CDHR1: variants seen among roughly 807,000 people sequenced by gnomAD.
CDHR1 encodes cadherin related family member 1.
In CDHR1, 61 loss-of-function variants were observed where a neutral mutation model predicts 72.1. The ratio of observed to expected loss-of-function variants is 0.85; its 90% CI spans 0.69 to 1.05. The LOEUF (loss-of-function observed/expected upper bound fraction) is 1.05. Among genes scored for constraint, CDHR1 ranks in the 50% least tolerant of loss-of-function variants. The pLI is 0.00. For synonymous variants in CDHR1, 470 were observed against 448.1 expected, an observed-to-expected ratio of 1.05 and a Z score of -0.62; for missense variants, 1,186 against 1,115.7, an observed-to-expected ratio of 1.06 and a Z score of -0.90.
intron 2 of CDHR1, 103 bp downstream of exon 2, chr10:84,195,692 C>CG: frequency 2.1e-6 from 2 of 934,030 alleles, no homozygotes; most frequent in Non-Finnish European, 1.7e-6. Flanking sequence ...TGCGCGCGCC[C>CG]GGGGGCTCCT....
At chr10:84,205,642 T>G in intron 9 of CDHR1, 185 bp from the exon 10 acceptor site, 1 of 653,286 alleles carries the variant, frequency 1.5e-6, no homozygotes, top group Non-Finnish European at 2.8e-6. Context: ...AGATCTGCAC[T>G]AACTGTGTAG....
Position 84,216,518 on chromosome 10 carries a change from C to A in CDHR1, c.*1897C>A. ...GTAAATGGAAAATAAAGTCTGTTAC[C>A]CAAAGGCCATGCTGATCCCCTGCTC... On this transcript the variant is annotated 3_prime_UTR_variant, in exon 17 of 17. Coordinates refer to ENST00000623527, the MANE Select transcript of CDHR1 (RefSeq NM_033100.4). The A allele has an allele frequency of 1.0e-6, 1 of 985,464 alleles. No homozygotes were observed. Among genetic ancestry groups the A allele is most frequent in the Non-Finnish European group, 1.2e-6 (1 of 829,962 alleles). The allele number at this position is 985,464 out of a possible 1,614,324, so 61.0% of individuals were successfully genotyped here.
At position 84,208,826 on chromosome 10, in the gene CDHR1, T is replaced by C. The variant is rs1295924029; in HGVS notation, c.1265T>C (p.Ile422Thr). 12 of 1,614,060 alleles carry C rather than the reference T, an allele frequency of 7.4e-6. No individual in the cohort carries two copies. In the East Asian group the frequency reaches 2.2e-4, roughly 30 times the overall value. Residue 422 changes from isoleucine to threonine, a missense_variant, in exon 12 of 17, where the codon ATT becomes ACT. By Grantham distance (89) the Ile-to-Thr change is moderately conservative (BLOSUM62 -1). Coordinates refer to ENST00000623527, the MANE Select transcript of CDHR1 (RefSeq NM_033100.4). ...TVLNEAQVTI[I>T]VENSAAIDFE... Reference sequence around the variant, plus strand: ...CTGAATGAAGCCCAAGTCACAATCATTGTGGAGAACTCAGCTGCCATTGAC... The same window carrying C: ...CTGAATGAAGCCCAAGTCACAATCACTGTGGAGAACTCAGCTGCCATTGAC...
chr10:84,218,565 G>C lies in CDHR1; in HGVS notation c.*3944G>C, dbSNP rs771470926. 4.2e-5 allele frequency: 41 copies of C among 985,344 alleles called. No homozygotes were observed. Among genetic ancestry groups the C allele is most frequent in the Non-Finnish European group, 4.8e-5 (40 of 829,962 alleles). The allele number at this position is 985,344 out of a possible 1,614,324, so 61.0% of individuals were successfully genotyped here. A position where few individuals can be genotyped will look rare whatever the true frequency, so the allele number is the denominator to read the frequency against. ...TCCTCTCTTTAATTGCTAATCGCCT[G>C]GGCCTAGGGAGTCTTCATTTTAAAA... On this transcript the variant is annotated 3_prime_UTR_variant, in exon 17 of 17. Transcript: ENST00000623527.
intron 4 of CDHR1, 53 bp downstream of exon 4, chr10:84,197,889 A>G: frequency 6.5e-7 from 1 of 1,538,900 alleles, no homozygotes; most frequent in Non-Finnish European, 9.0e-7. Flanking sequence ...TGGGCCTGAG[A>G]AGGGTGAGGC....
intron 3 of CDHR1, among the ~76,000 whole-genome samples, chr10:84,197,457 T>A (rs1842048642): frequency 6.6e-6 from 1 of 152,072 alleles, no homozygotes. Context: ...GGAAAAGTCT[T>A]TATGGGACCT....
chr10:84,214,663 C>G lies in CDHR1; in HGVS notation c.*42C>G. On this transcript the variant is annotated 3_prime_UTR_variant, in exon 17 of 17. Coordinates refer to ENST00000623527, the MANE Select transcript of CDHR1 (RefSeq NM_033100.4). Reference sequence around the variant, plus strand: ...CCCCATCTTTCCTCCGCCCCTGACCCCCACCACCCTGCTGCTCGGACTATG... The same window carrying G: ...CCCCATCTTTCCTCCGCCCCTGACCGCCACCACCCTGCTGCTCGGACTATG... The G allele has an allele frequency of 6.3e-7, 1 of 1,599,036 alleles. No homozygotes were observed. The highest frequency in any genetic ancestry group is 2.2e-5 in the East Asian group (1 of 44,852).
chr10:84,213,247 G>C lies in CDHR1; in HGVS notation c.1939G>C (p.Gly647Arg), dbSNP rs766984019. ...GGATGCCCTGCACAACATCACACCT[G>C]GAAGGGACTGCCTATGGTCCCTAGA... ...SLDALHNITPGRDCLWSLEVQ... is the reference protein window; with the variant it reads ...SLDALHNITPRRDCLWSLEVQ... Residue 647 changes from glycine (G) to arginine (R), a missense_variant, in exon 16 of 17, where the codon GGA (glycine) becomes CGA (arginine). Transcript: ENST00000623527. The C allele has an allele frequency of 3.1e-6, 5 of 1,614,124 alleles. No homozygotes were observed. The highest frequency in any genetic ancestry group is 4.2e-6 in the Non-Finnish European group (5 of 1,180,052).
rs1449533342 is a variant in CDHR1 at position 84,214,655 on chromosome 10, C to T, written c.*34C>T. The T allele has an allele frequency of 1.3e-6, 2 of 1,599,140 alleles. No homozygotes were observed. Among genetic ancestry groups the T allele is most frequent in the East Asian group, 2.2e-5 (1 of 44,874 alleles). ...CTATGACCCCCCATCTTTCCTCCGC[C>T]CCTGACCCCCACCACCCTGCTGCTC... On this transcript the variant is annotated 3_prime_UTR_variant, in exon 17 of 17. Coordinates refer to ENST00000623527, the MANE Select transcript of CDHR1 (RefSeq NM_033100.4).
chr10:84,204,774 C>T (rs889707130), intron 9 of CDHR1, among the ~76,000 whole-genome samples, 169 bp downstream of exon 9: 2 of 152,136 alleles, frequency 1.3e-5, no homozygotes, highest in Admixed American at 6.5e-5. Context: ...TTGTGTGCTT[C>T]GGTCCCTGCC....
chr10:84,202,237 G>A (rs1459355247), intron 7 of CDHR1, among the ~76,000 whole-genome samples: 2 of 152,026 alleles, frequency 1.3e-5, no homozygotes, highest in Non-Finnish European at 2.9e-5. Context: ...CCTCCCTCTC[G>A]CTGGCCAGGC....
chr10:84,209,256 T>C (rs1419890386), intron 12 of CDHR1, among the ~76,000 whole-genome samples: 2 of 152,372 alleles, frequency 1.3e-5, no homozygotes, highest in South Asian at 2.1e-4. Context: ...AATACTTCTG[T>C]GATATCATTT....
chr10:84,200,506 C>T, intron 5 of CDHR1, 95 bp from the exon 6 acceptor site: 1 of 818,312 alleles, frequency 1.2e-6, no homozygotes, highest in South Asian at 1.4e-5. Flanking sequence ...TGACACTTCA[C>T]TCCCCGACCC....
At chr10:84,208,924 C>A (rs1842280638) in intron 12 of CDHR1, 43 bp downstream of exon 12, 2 of 1,597,500 alleles carry the variant, frequency 1.3e-6, no homozygotes, top group Non-Finnish European at 1.7e-6. Context: ...GGGAGGGTCC[C>A]AGGAATTCAT....
At position 84,214,487 on chromosome 10, in the gene CDHR1, G is replaced by T. The variant is rs1842395225; in HGVS notation, c.2446G>T (p.Gly816Cys). 2 of 1,607,938 alleles carry T rather than the reference G, an allele frequency of 1.2e-6. No homozygotes were observed. Among genetic ancestry groups the T allele is most frequent in the Non-Finnish European group, 8.5e-7 (1 of 1,179,428 alleles). The change falls in exon 17 of 17, where the codon GGC becomes TGC. Residue 816 changes from glycine (G) to cysteine (C), a missense_variant. Transcript: ENST00000623527. ...AAQWTVPTVS[G>C]SLTPQPTQPP... ...CCAGTGGACCGTGCCTACTGTCTCT[G>T]GCTCTCTCACTCCGCAGCCGACCCA...
chr10:84,196,231 G>A (rs113630828), intron 2 of CDHR1, among the ~76,000 whole-genome samples: 34 of 152,242 alleles, frequency 2.2e-4, no homozygotes, highest in Admixed American at 6.5e-4. Flanking sequence ...AGTTAGGCAC[G>A]GCAGACCTGC....
In CDHR1 at chr10:84,215,609, T is replaced by C; in HGVS notation, c.*988T>C. The C allele has an allele frequency of 1.1e-6, 1 of 924,022 alleles. No individual in the cohort carries two copies. The highest frequency in any genetic ancestry group is 5.5e-4 in the Middle Eastern group (1 of 1,806). 57.2% of individuals were successfully genotyped at this position (924,022 alleles called of 1,614,324 possible). On this transcript the variant is annotated 3_prime_UTR_variant, in exon 17 of 17. Transcript: ENST00000623527. ...ATGAAGAAAGTAGGCCCTGTCTACC[T>C]CACATGCAGGTCTAGGGTGAGGATT... is the stretch of plus-strand genomic sequence containing the variant.
Sources: allele counts gnomAD v4.1 joint callset (sites outside exome capture counted in the v4.1 genomes callset), GRCh38; gene constraint gnomAD v4.1.1; transcripts MANE v1.5; gene names NCBI Gene and HGNC (gene_info 2026-07-23, HGNC 2026-07-21).